The following GABRG1 variants were observed in gnomAD, a reference collection of about 807,000 sequenced individuals.
GABRG1 encodes the protein gamma-aminobutyric acid receptor subunit gamma-1.
Under a neutral mutation model 49.8 loss-of-function variants are expected in GABRG1, and 49 were observed. The ratio of observed to expected loss-of-function variants is 0.98; its 90% CI spans 0.78 to 1.25. GABRG1 has a LOEUF of 1.25. GABRG1 is among the 50% of genes most tolerant of loss of function. The probability of loss-of-function intolerance (pLI) is 0.00; values close to 1 mark genes in which losing one functional copy is unlikely to be tolerated. For synonymous variants in GABRG1, 232 were observed against 185.1 expected (o/e 1.25, Z -2.06); for missense variants, 552 against 552.3 (o/e 1.00, Z 0.01).
At chr4:46,074,741 TA>T (rs1485677559) in intron 3 of GABRG1, among the ~76,000 whole-genome samples, 1 of 152,118 alleles carries the variant, frequency 6.6e-6, no homozygotes, top group Non-Finnish European at 1.5e-5. Flanking sequence ...TTGCTAGATA[TA>T]AAAATAACAC....
intron 3 of GABRG1, among the ~76,000 whole-genome samples, chr4:46,082,523 G>T (rs538065006): frequency 6.6e-6 from 1 of 151,752 alleles, no homozygotes; most frequent in Admixed American, 6.6e-5. Flanking sequence ...CAAAAAGTTT[G>T]GACATGAGAT....
At chr4:46,053,958 C>G (rs1189307782) in intron 7 of GABRG1, among the ~76,000 whole-genome samples, 1 of 151,972 alleles carries the variant, frequency 6.6e-6, no homozygotes, top group Non-Finnish European at 1.5e-5. Context: ...ATGGCTTCCC[C>G]TACTCAAGAT....
Position 46,039,533 on chromosome 4 carries a change from A to C in GABRG1, c.*1455T>G, listed in dbSNP as rs1717674355. 1 of 151,714 alleles carries C rather than the reference A, an allele frequency of 6.6e-6. No homozygotes were observed. The allele number at this position is 151,714 out of a possible 1,614,324, so 9.4% of individuals were successfully genotyped here. A position where few individuals can be genotyped will look rare whatever the true frequency, so the allele number is the denominator to read the frequency against. Reference sequence around the variant, plus strand: ...ACCTTAAGTAAGATAGGCTGTGATCATAAAACTCTTCATCATGGTCATTGG... The same window carrying C: ...ACCTTAAGTAAGATAGGCTGTGATCCTAAAACTCTTCATCATGGTCATTGG... On this transcript the variant is annotated 3_prime_UTR_variant, in exon 9 of 9. Coordinates refer to ENST00000295452, the MANE Select transcript of GABRG1 (RefSeq NM_173536.4).
intron 8 of GABRG1, 146 bp from the exon 9 acceptor site, chr4:46,041,400 T>A (rs919297534): frequency 4.3e-6 from 3 of 693,120 alleles, no homozygotes; most frequent in Admixed American, 3.2e-5. Flanking sequence ...AATTATAACA[T>A]GTTTTATATT....
rs1203391424 is a variant in GABRG1 at position 46,076,362 on chromosome 4, C to CATAT, written c.321+7620_321+7623dup. Among the ~76,000 whole-genome samples the CATAT allele has an allele frequency of 8.2e-3, 641 of 78,178 alleles. 13 individuals are homozygous for CATAT. Among genetic ancestry groups the CATAT allele is most frequent in the South Asian group, 0.014 (22 of 1,618 alleles). 51.3% of individuals were successfully genotyped at this position (78,178 alleles called of 152,430 possible). On this transcript the variant is annotated intron_variant, in intron 3 of 8. Transcript: ENST00000295452. ...ACCTAAATTTATCTTAGGTCATGTT[C>CATAT]ATATATATATATATATATATATATA...
chr4:46,046,319 T>A (rs991673534), intron 8 of GABRG1, among the ~76,000 whole-genome samples: 2 of 152,090 alleles, frequency 1.3e-5, no homozygotes, highest in African/African-American at 4.8e-5. Flanking sequence ...AAAAGAGCTG[T>A]TGGTGGTGGT....
intron 1 of GABRG1, among the ~76,000 whole-genome samples, chr4:46,118,987 ACAT>A (rs1039632417): frequency 6.6e-6 from 1 of 151,322 alleles, no homozygotes; most frequent in African/African-American, 2.4e-5. Context: ...CTACATCTAT[ACAT>A]AATAAATTCA....
intron 8 of GABRG1, among the ~76,000 whole-genome samples, chr4:46,046,246 G>A (rs770793078): frequency 6.6e-6 from 1 of 151,958 alleles, no homozygotes; most frequent in East Asian, 1.9e-4. Context: ...TGCTGTGATA[G>A]TCTATGATGT....
At chr4:46,057,331 C>T (rs1718490788) in intron 7 of GABRG1, among the ~76,000 whole-genome samples, 1 of 152,040 alleles carries the variant, frequency 6.6e-6, no homozygotes, top group South Asian at 2.1e-4. Flanking sequence ...TATAAGCTAT[C>T]ATAGAAATCA....
chr4:46,073,384 T>C (rs1288997565), intron 3 of GABRG1, among the ~76,000 whole-genome samples: 2 of 152,048 alleles, frequency 1.3e-5, no homozygotes, highest in Non-Finnish European at 2.9e-5. Context: ...TTAAACTCTT[T>C]ACCGTAACTC....
Position 46,111,209 on chromosome 4 carries a change from C to T in GABRG1, c.104+12601G>A, listed in dbSNP as rs573462266. On this transcript the variant is annotated intron_variant, in intron 1 of 8. Transcript: ENST00000295452. The stretch of plus-strand genomic sequence containing the variant: ...AGAATTTCTATACGAAAATAATGTT[C>T]AATCTAGGAGTCAAATCAAGAATGT... 1.9e-4 allele frequency among the ~76,000 whole-genome samples: 28 copies of T among 150,874 alleles called. No individual in the cohort carries two copies. The South Asian group carries it at 5.8e-3, about 31-fold the overall frequency.
intron 1 of GABRG1, among the ~76,000 whole-genome samples, chr4:46,122,820 TG>T (rs1721128086): frequency 6.6e-6 from 1 of 152,052 alleles, no homozygotes; most frequent in African/African-American, 2.4e-5. Context: ...TTTTTAATAA[TG>T]TAATGATAAA....
Position 46,065,436 on chromosome 4 carries a change from T to A in GABRG1, c.470A>T (p.Asp157Val). 6.2e-7 allele frequency: 1 copy of A among 1,613,674 alleles called. No individual in the cohort carries two copies. The highest frequency in any genetic ancestry group is 8.5e-7 in the Non-Finnish European group (1 of 1,179,802). Residue 157 changes from aspartate to valine, a missense_variant, in exon 4 of 9, where the codon GAT (aspartate) becomes GTT (valine). Transcript: ENST00000295452. ...ATTAGGAGTTGTTATCCAGTGAGCATCAGATTTTCTTGAGTTTCTGAAGAA... is the reference window on the plus strand; with the variant it reads ...ATTAGGAGTTGTTATCCAGTGAGCAACAGATTTTCTTGAGTTTCTGAAGAA... Reference protein sequence around the residue: ...DTFFRNSRKSDAHWITTPNRL... With the variant: ...DTFFRNSRKSVAHWITTPNRL...
chr4:46,071,069 G>A (rs569405935), intron 3 of GABRG1, among the ~76,000 whole-genome samples: 3 of 151,946 alleles, frequency 2.0e-5, no homozygotes, highest in Non-Finnish European at 4.4e-5. Flanking sequence ...TGATGTTGTG[G>A]CCATTCTAAC....
At chr4:46,120,104 TG>T (rs1377833874) in intron 1 of GABRG1, among the ~76,000 whole-genome samples, 1 of 151,664 alleles carries the variant, frequency 6.6e-6, no homozygotes, top group Non-Finnish European at 1.5e-5. Flanking sequence ...ATCACTCCAG[TG>T]AGAAATGGTG....
intron 5 of GABRG1, among the ~76,000 whole-genome samples, chr4:46,063,476 C>A (rs1029243086): frequency 1.3e-5 from 2 of 152,128 alleles, no homozygotes; most frequent in Admixed American, 6.6e-5. Context: ...GGAAAACTGG[C>A]TAGCCATATG....
Position 46,123,896 on chromosome 4 carries a change from A to C in GABRG1, c.18T>G (p.Ala6=), listed in dbSNP as rs763772169. Residue 6 remains alanine (A), a synonymous_variant, in exon 1 of 9, where the codon GCT becomes GCG. Transcript: ENST00000295452. ...GCAGAAGAAAAGGGGAGAAGAGAAA[A>C]GCTTTCAAAGGACCCATCGGAATCG... MGPLK[A]FLFSPFLLRS... is the part of the protein sequence containing the mutation. The C allele has an allele frequency of 2.4e-5, 39 of 1,613,454 alleles. No individual in the cohort carries two copies. Among genetic ancestry groups the C allele is most frequent in the Non-Finnish European group, 3.2e-5 (38 of 1,179,728 alleles).
At chr4:46,109,511 A>T (rs977854266) in intron 1 of GABRG1, among the ~76,000 whole-genome samples, 1 of 150,862 alleles carries the variant, frequency 6.6e-6, no homozygotes, top group African/African-American at 2.4e-5. Flanking sequence ...TCTCCATTAC[A>T]TTCAGTTCTG....
Position 46,100,140 on chromosome 4 carries a change from A to G in GABRG1, c.105-2791T>C, listed in dbSNP as rs572769687. On this transcript the variant is annotated intron_variant, in intron 1 of 8. Transcript: ENST00000295452. ...GCTCTACTTATCTTGTGTACAGTAT[A>G]GAAATTTTGTTATATGATTTCCTTC... Among the ~76,000 whole-genome samples, 4 of 151,934 alleles carry G rather than the reference A, an allele frequency of 2.6e-5. No homozygotes were observed. The South Asian group carries it at 8.3e-4, about 31-fold the overall frequency.
Sources: allele counts gnomAD v4.1 joint callset (sites outside exome capture counted in the v4.1 genomes callset), GRCh38; gene constraint gnomAD v4.1.1; transcripts MANE v1.5; gene names NCBI Gene and HGNC (gene_info 2026-07-23, HGNC 2026-07-21).